HTR2C: variants seen among roughly 807,000 people sequenced by gnomAD.
HTR2C encodes 5-hydroxytryptamine receptor 2C, also known as 5-hydroxytryptamine (serotonin) receptor 2C, G protein-coupled.
A neutral mutation model predicts 21.0 loss-of-function variants in HTR2C; 5 were observed. That is an observed-to-expected ratio of 0.24 (90% CI 0.12 to 0.50). The LOEUF (loss-of-function observed/expected upper bound fraction) is 0.50. Ranked by LOEUF, HTR2C falls within the 20% of genes least tolerant of loss-of-function variation. The pLI, the probability that HTR2C is intolerant of heterozygous loss-of-function variation, is 0.98. For synonymous variants in HTR2C, 150 were observed against 145.3 expected (o/e 1.03, Z -0.23); for missense variants, 271 against 371.2 (o/e 0.73, Z 2.22).
At chrX:114,675,673 T>C (rs925401401) in intron 2 of HTR2C, among the ~76,000 whole-genome samples, 13 of 111,765 alleles carry the variant, frequency 1.2e-4, no homozygotes, top group Non-Finnish European at 2.3e-4. Flanking sequence ...TACACTGAAA[T>C]AATGACTCAT....
chrX:114,725,471 G>A (rs1298148625), intron 2 of HTR2C, among the ~76,000 whole-genome samples: 12 of 111,019 alleles, frequency 1.1e-4, no homozygotes, highest in Admixed American at 2.9e-4. Flanking sequence ...ATTTCCTCCC[G>A]TAGCTCAGAG....
Position 114,630,759 on chromosome X carries a change from T to A in HTR2C, c.-80+16878T>A, listed in dbSNP as rs368670724. ...TCCCTCCTTTAAGCTTGTTCTTCTA[T>A]ACAGAGCATGGGGCCCCAACCCCAG... On this transcript the variant is annotated intron_variant, in intron 2 of 5. Coordinates refer to ENST00000276198, the MANE Select transcript of HTR2C (RefSeq NM_000868.4). 4.2e-5 allele frequency: 13 copies of A among 309,865 alleles called. 1 individual carries two copies. The highest frequency in any genetic ancestry group is 2.9e-4 in the African/African-American group (11 of 37,755). The allele number at this position is 309,865 out of a possible 1,213,427, so 25.5% of individuals were successfully genotyped here.
At chrX:114,762,034 A>G (rs2069883679) in intron 4 of HTR2C, among the ~76,000 whole-genome samples, 1 of 92,451 alleles carries the variant, frequency 1.1e-5, no homozygotes, top group African/African-American at 3.8e-5. Flanking sequence ...TTGTACACAT[A>G]TATGTGTATA....
chrX:114,589,556 C>A (rs1472170706), intron 1 of HTR2C: 3 of 126,770 alleles, frequency 2.4e-5, no homozygotes, highest in East Asian at 2.6e-4. Flanking sequence ...GGTCTAAGAC[C>A]GACTGACAGA....
chrX:114,606,924 T>C (rs189317739), intron 1 of HTR2C, among the ~76,000 whole-genome samples: 2,680 of 108,913 alleles, frequency 0.025, 131 homozygotes, highest in African/African-American at 0.087. Flanking sequence ...GGGGCCGTTT[T>C]ATAGGATTTG....
At chrX:114,614,800 A>G (rs1275976869) in intron 2 of HTR2C, among the ~76,000 whole-genome samples, 2 of 111,938 alleles carry the variant, frequency 1.8e-5, no homozygotes, top group Admixed American at 9.6e-5. Context: ...ATAGATGTCT[A>G]GAGCATGATT....
intron 1 of HTR2C, among the ~76,000 whole-genome samples, chrX:114,601,223 A>T (rs1928070155): frequency 9.0e-6 from 1 of 111,331 alleles, no homozygotes; most frequent in Non-Finnish European, 1.9e-5. Flanking sequence ...GTTGAGAGGA[A>T]GAGATAGGCT....
At chrX:114,763,024 C>A (rs1391325312) in intron 4 of HTR2C, among the ~76,000 whole-genome samples, 2 of 112,232 alleles carry the variant, frequency 1.8e-5, no homozygotes, top group African/African-American at 6.5e-5. Context: ...TTATTCTGGG[C>A]TTTCATGGAG....
chrX:114,833,278 C>G (rs1161067596), intron 4 of HTR2C, among the ~76,000 whole-genome samples: 14 of 100,760 alleles, frequency 1.4e-4, no homozygotes, highest in African/African-American at 4.9e-4. Flanking sequence ...AGGAATGGTA[C>G]CAGTTCCTCC....
intron 2 of HTR2C, among the ~76,000 whole-genome samples, chrX:114,701,128 G>C (rs1296876342): frequency 8.9e-6 from 1 of 112,377 alleles, no homozygotes; most frequent in Non-Finnish European, 1.9e-5. Context: ...ACCCCTGGGG[G>C]CAGGGCACAG....
chrX:114,638,612 T>C (rs1929955716), intron 2 of HTR2C, among the ~76,000 whole-genome samples: 1 of 105,667 alleles, frequency 9.5e-6, no homozygotes, highest in African/African-American at 3.4e-5. Flanking sequence ...GACATGCTGG[T>C]GCACTGCACC....
Position 114,726,910 on chromosome X carries a change from C to T in HTR2C, c.-27C>T. On this transcript the variant is annotated 5_prime_UTR_variant, in exon 3 of 6. Coordinates refer to ENST00000276198, the MANE Select transcript of HTR2C (RefSeq NM_000868.4). ...TTAATTTCGTCTTCTCAATTTTAAA[C>T]TTTGGTTGCTTAAGACTGAAGCAAT... The T allele has an allele frequency of 9.2e-7, 1 of 1,084,928 alleles. No individual in the cohort carries two copies. The highest frequency in any genetic ancestry group is 1.2e-6 in the Non-Finnish European group (1 of 809,115). The allele number at this position is 1,084,928 out of a possible 1,213,427, so 89.4% of individuals were successfully genotyped here.
intron 4 of HTR2C, among the ~76,000 whole-genome samples, chrX:114,784,305 C>T (rs2070151468): frequency 9.0e-6 from 1 of 111,066 alleles, no homozygotes; most frequent in African/African-American, 3.3e-5. Context: ...GATTTTATGC[C>T]CAAAATTGAA....
intron 5 of HTR2C, among the ~76,000 whole-genome samples, chrX:114,856,062 T>C (rs1602882768): frequency 1.8e-5 from 2 of 108,344 alleles, no homozygotes; most frequent in Middle Eastern, 9.5e-3. Context: ...TGATTGTATA[T>C]CTAGAAAACC....
At chrX:114,630,899 A>T (rs1929588178) in intron 2 of HTR2C, 1 of 364,556 alleles carries the variant, frequency 2.7e-6, no homozygotes, top group Non-Finnish European at 5.3e-6. Context: ...ACCGTGGGCT[A>T]CTCCTGCATG....
chrX:114,837,390 G>A (rs1336340345), intron 4 of HTR2C, among the ~76,000 whole-genome samples: 12 of 111,815 alleles, frequency 1.1e-4, no homozygotes, highest in African/African-American at 3.9e-4. Flanking sequence ...ATAAGATTTG[G>A]TGGTTATTTT....
intron 2 of HTR2C, among the ~76,000 whole-genome samples, chrX:114,681,289 G>A (rs1311809360): frequency 1.8e-5 from 2 of 111,311 alleles, no homozygotes; most frequent in South Asian, 3.7e-4. Context: ...CACTTATATA[G>A]CATTGTTAAA....
intron 4 of HTR2C, among the ~76,000 whole-genome samples, chrX:114,784,538 T>C (rs2070154371): frequency 9.1e-6 from 1 of 109,884 alleles, no homozygotes; most frequent in Admixed American, 9.8e-5. Context: ...CCGGCAATCC[T>C]TGACGGTCCT....
At chrX:114,820,870 A>C (rs1408789380) in intron 4 of HTR2C, among the ~76,000 whole-genome samples, 1 of 110,954 alleles carries the variant, frequency 9.0e-6, no homozygotes, top group Non-Finnish European at 1.9e-5. Context: ...ACAGCTGTGA[A>C]GTTGTATATC....
Sources: gnomAD v4.1 joint callset for allele counts (sites outside exome capture counted in the v4.1 genomes callset) on GRCh38, gnomAD v4.1.1 for gene constraint, MANE v1.5 for transcripts, NCBI Gene and HGNC (gene_info 2026-07-23, HGNC 2026-07-21) for gene names.